COBL: variants seen among roughly 807,000 people sequenced by gnomAD.
COBL encodes the protein cordon-bleu WH2 repeat protein, also known as protein cordon-bleu.
In COBL, 51 loss-of-function variants were observed where a neutral mutation model predicts 98.8. The observed-to-expected ratio is 0.52, with a 90% CI of 0.41 to 0.65. The LOEUF (loss-of-function observed/expected upper bound fraction) is 0.65. Ranked by LOEUF, COBL falls within the 30% of genes least tolerant of loss-of-function variation. The pLI, the probability that COBL is intolerant of heterozygous loss-of-function variation, is 0.00. For missense variants in COBL, 1,617 were observed against 1,617.5 expected, an observed-to-expected ratio of 1.00 and a Z score of 0.01; for synonymous variants, 634 against 651.7, an observed-to-expected ratio of 0.97 and a Z score of 0.41.
intron 7 of COBL, among the ~76,000 whole-genome samples, chr7:51,083,784 G>C (rs1342866499): frequency 6.6e-6 from 1 of 152,174 alleles, no homozygotes; most frequent in Non-Finnish European, 1.5e-5. Flanking sequence ...CTGAGTTGTA[G>C]AGAGGGTGGG....
intron 1 of COBL, among the ~76,000 whole-genome samples, chr7:51,308,267 G>A (rs1393090583): frequency 6.6e-6 from 1 of 152,210 alleles, no homozygotes; most frequent in Non-Finnish European, 1.5e-5. Flanking sequence ...CACTTCGGCT[G>A]CATTAACACT....
chr7:51,229,300 G>A (rs367763700), intron 1 of COBL, among the ~76,000 whole-genome samples: 3 of 152,196 alleles, frequency 2.0e-5, no homozygotes, highest in East Asian at 1.9e-4. Flanking sequence ...CTGTACTCCC[G>A]GCAACGGAAA....
intron 1 of COBL, among the ~76,000 whole-genome samples, chr7:51,289,378 C>CGA (rs1218122581): frequency 6.6e-6 from 1 of 152,214 alleles, no homozygotes; most frequent in Non-Finnish European, 1.5e-5. Flanking sequence ...TTCCTCTCAG[C>CGA]CCTCCCTGGA....
Position 51,305,761 on chromosome 7 carries a change from G to A in COBL, c.41+10832C>T, listed in dbSNP as rs140965076. Among the ~76,000 whole-genome samples the A allele has an allele frequency of 7.7e-3, 1,171 of 151,294 alleles. 60 individuals carry two copies. In the South Asian group the frequency reaches 0.14, roughly 18 times the overall value. On this transcript the variant is annotated intron_variant, in intron 1 of 12. Coordinates refer to ENST00000265136, the MANE Select transcript of COBL (RefSeq NM_015198.5). ...ACATTGTACTCGATGATGGCTGGGC[G>A]TGGTGGCTCATGCCTGTAATCCCAG...
intron 6 of COBL, among the ~76,000 whole-genome samples, chr7:51,086,885 TA>T (rs1171587948): frequency 6.6e-6 from 1 of 152,022 alleles, no homozygotes; most frequent in African/African-American, 2.4e-5. Flanking sequence ...ATATTTTACA[TA>T]AAACATGGAC....
chr7:51,217,531 C>T (rs561257586), intron 2 of COBL, among the ~76,000 whole-genome samples: 4 of 151,468 alleles, frequency 2.6e-5, no homozygotes, highest in Admixed American at 1.3e-4. Flanking sequence ...TTATTAGAGA[C>T]GGGGTTTCAC....
At chr7:51,254,607 C>T (rs1375415803) in intron 1 of COBL, among the ~76,000 whole-genome samples, 4 of 152,068 alleles carry the variant, frequency 2.6e-5, no homozygotes, top group Admixed American at 2.6e-4. Context: ...ACAGGTGGAC[C>T]CCCAATCCTC....
chr7:51,225,853 T>C (rs1982160), intron 1 of COBL, among the ~76,000 whole-genome samples: 4,345 of 152,194 alleles, frequency 0.029, 73 homozygotes, highest in African/African-American at 0.05. Flanking sequence ...CATGGTGCAG[T>C]GAATGCAAAT....
intron 6 of COBL, among the ~76,000 whole-genome samples, chr7:51,091,904 G>T (rs1192361527): frequency 6.6e-6 from 1 of 152,120 alleles, no homozygotes; most frequent in Non-Finnish European, 1.5e-5. Context: ...GAAAAAAAAC[G>T]CCACCTGCCA....
At chr7:51,018,031 T>C (rs1443412117) in intron 12 of COBL, among the ~76,000 whole-genome samples, 1 of 152,218 alleles carries the variant, frequency 6.6e-6, no homozygotes, top group Non-Finnish European at 1.5e-5. Flanking sequence ...ATAAACTGCT[T>C]GTTTGGTTAA....
intron 1 of COBL, among the ~76,000 whole-genome samples, chr7:51,254,806 C>A (rs1797052082): frequency 6.6e-6 from 1 of 152,144 alleles, no homozygotes; most frequent in Non-Finnish European, 1.5e-5. Context: ...AAACATCAAC[C>A]CTTGGGCAGC....
chr7:51,250,797 A>G (rs1466811367), intron 1 of COBL, among the ~76,000 whole-genome samples: 2 of 152,184 alleles, frequency 1.3e-5, no homozygotes, highest in East Asian at 1.9e-4. Context: ...CTGAGTGACA[A>G]TGGGCTGGAT....
intron 6 of COBL, among the ~76,000 whole-genome samples, chr7:51,113,885 C>T (rs1000740429): frequency 1.3e-5 from 2 of 152,164 alleles, no homozygotes; most frequent in African/African-American, 4.8e-5. Context: ...CCTGTGATTG[C>T]GCTGAAAGAT....
At chr7:51,062,926 T>C (rs1791531399) in intron 7 of COBL, among the ~76,000 whole-genome samples, 1 of 152,128 alleles carries the variant, frequency 6.6e-6, no homozygotes, top group South Asian at 2.1e-4. Context: ...ATGCATTTGC[T>C]CAGGACTCCA....
At chr7:51,122,861 C>T (rs1343388081) in intron 6 of COBL, among the ~76,000 whole-genome samples, 2 of 152,062 alleles carry the variant, frequency 1.3e-5, no homozygotes, top group Non-Finnish European at 2.9e-5. Context: ...TGGCTATAAT[C>T]CCAGCGACTC....
At chr7:51,100,937 AAAC>A (rs1411614212) in intron 6 of COBL, among the ~76,000 whole-genome samples, 15 of 152,190 alleles carry the variant, frequency 9.9e-5, no homozygotes, top group African/African-American at 3.6e-4. Context: ...CAACAAAAAA[AAAC>A]GCAGCAGCAG....
rs1786388196 is a variant in COBL at position 51,017,513 on chromosome 7, T to C, written c.*38A>G. 1 of 1,609,910 alleles carries C rather than the reference T, an allele frequency of 6.2e-7. No individual in the cohort carries two copies. The highest frequency in any genetic ancestry group is 1.1e-5 in the South Asian group (1 of 90,970). ...CCTTGAGTGACGCCTGTGGGCATAT[T>C]ACAGGTGGGTTTCTGCAATTCTCTG... is the stretch of plus-strand genomic sequence containing the variant. On this transcript the variant is annotated 3_prime_UTR_variant, in exon 13 of 13. Transcript: ENST00000265136.
intron 5 of COBL, among the ~76,000 whole-genome samples, chr7:51,144,632 T>G (rs1200141626): frequency 6.6e-6 from 1 of 152,210 alleles, no homozygotes; most frequent in Admixed American, 6.5e-5. Context: ...ACATCACCAC[T>G]ATCTAGTTTC....
intron 7 of COBL, among the ~76,000 whole-genome samples, chr7:51,053,116 T>G (rs1790393007): frequency 6.6e-6 from 1 of 152,186 alleles, no homozygotes; most frequent in Non-Finnish European, 1.5e-5. Flanking sequence ...TTAAGGAAAA[T>G]GTAGATTTCA....
Sources: allele counts gnomAD v4.1 joint callset (sites outside exome capture counted in the v4.1 genomes callset), GRCh38; gene constraint gnomAD v4.1.1; transcripts MANE v1.5; gene names NCBI Gene and HGNC (gene_info 2026-07-23, HGNC 2026-07-21).